Variants in SHISAL2A observed in about 807,000 individuals in gnomAD.
The protein encoded by SHISAL2A is shisa like 2A.
A neutral mutation model predicts 11.5 loss-of-function variants in SHISAL2A; 18 were observed. That is an observed-to-expected ratio of 1.57 (90% CI 1.08 to 2.33). SHISAL2A has a LOEUF of 2.33. SHISAL2A is among the 30% of genes most tolerant of loss of function. The pLI is 0.00. For missense variants in SHISAL2A, 261 were observed against 250.9 expected (o/e 1.04, Z -0.27); for synonymous variants, 94 against 99.6 (o/e 0.94, Z 0.34).
At position 52,643,003 on chromosome 1, in the gene SHISAL2A, G is replaced by T; in HGVS notation, c.322+1G>T. ...CTGGGCTTGAGCTTACAGACAGCAG[G>T]TAAGGAAGTTGCCAGGTGATGTCCT... On this transcript the variant is annotated splice_donor_variant, in intron 2 of 2. Transcript: ENST00000517870. LOFTEE classifies it high-confidence loss of function. 1.9e-6 allele frequency: 3 copies of T among 1,614,010 alleles called. No homozygotes were observed. The highest frequency in any genetic ancestry group is 2.5e-6 in the Non-Finnish European group (3 of 1,179,956).
At chr1:52,669,610 G>A (rs1692072419) in exon 6 of SHISAL2A, 1 of 148,518 alleles carries the variant, frequency 6.7e-6, no homozygotes, top group Non-Finnish European at 1.5e-5. Flanking sequence ...AGGTTGCAGT[G>A]AGCTGTGATC....
chr1:52,649,440 G>A (rs1395302664), intron 2 of SHISAL2A, among the ~76,000 whole-genome samples: 1 of 152,176 alleles, frequency 6.6e-6, no homozygotes, highest in African/African-American at 2.4e-5. Flanking sequence ...TGAGTATGGA[G>A]GCAAGGGTGG....
At chr1:52,665,935 C>G (rs1257403914) in intron 4 of SHISAL2A, among the ~76,000 whole-genome samples, 6 of 152,166 alleles carry the variant, frequency 3.9e-5, no homozygotes, top group Non-Finnish European at 8.8e-5. Flanking sequence ...TGTGTGAGCT[C>G]ACATGTGTGA....
At chr1:52,657,776 G>A (rs1327789170), downstream of SHISAL2A, among the ~76,000 whole-genome samples, 1 of 152,090 alleles carries the variant, frequency 6.6e-6, no homozygotes, top group Non-Finnish European at 1.5e-5. Context: ...AATCAGTTGA[G>A]CCCTGGAGGT....
intron 1 of SHISAL2A, among the ~76,000 whole-genome samples, chr1:52,635,784 G>C (rs1691224526): frequency 6.6e-6 from 1 of 152,130 alleles, no homozygotes; most frequent in Non-Finnish European, 1.5e-5. Context: ...TTTAGGAAGG[G>C]GCTGTTATCA....
chr1:52,641,639 T>A (rs1219110525), intron 1 of SHISAL2A, among the ~76,000 whole-genome samples: 1 of 152,054 alleles, frequency 6.6e-6, no homozygotes, highest in African/African-American at 2.4e-5. Flanking sequence ...GGAGGTTGGG[T>A]CAGAAGTTAC....
At chr1:52,641,005 C>G (rs1691352570) in intron 1 of SHISAL2A, among the ~76,000 whole-genome samples, 1 of 152,242 alleles carries the variant, frequency 6.6e-6, no homozygotes, top group Admixed American at 6.5e-5. Flanking sequence ...CATAAAATCC[C>G]GAAGACAGGG....
rs578260770 is a variant in SHISAL2A, at chr1:52,666,411, C to T, written n.696-988C>T. Among the ~76,000 whole-genome samples, 7 of 152,104 alleles carry T rather than the reference C, an allele frequency of 4.6e-5. No homozygotes were observed. In the South Asian group the frequency reaches 6.2e-4, roughly 14 times the overall value. On this transcript the variant is annotated intron_variant and non_coding_transcript_variant, in intron 4 of 5. Transcript: ENST00000401050. The stretch of plus-strand genomic sequence containing the variant: ...AGGTTGCAGTGAGCCAAGATTGCGC[C>T]GCTGCACTCCAGCCTGGGCAACAGA...
At chr1:52,637,920 A>G (rs1245730852) in intron 1 of SHISAL2A, among the ~76,000 whole-genome samples, 1 of 152,098 alleles carries the variant, frequency 6.6e-6, no homozygotes, top group African/African-American at 2.4e-5. Flanking sequence ...TTTCCTACCC[A>G]GGGTAGGAAT....
At chr1:52,652,045 C>T (rs1341292369) in intron 2 of SHISAL2A, among the ~76,000 whole-genome samples, 1 of 152,210 alleles carries the variant, frequency 6.6e-6, no homozygotes, top group Non-Finnish European at 1.5e-5. Flanking sequence ...CCCTGGCTGG[C>T]CAGTTGCTCA....
At chr1:52,663,920 AAAAAGC>A (rs67882125) in intron 4 of SHISAL2A, among the ~76,000 whole-genome samples, 40,196 of 151,844 alleles carry the variant, frequency 0.26, 6,273 homozygotes, top group Non-Finnish European at 0.36. Context: ...AAAACCTGCC[AAAAAGC>A]TATCGCAGAA....
At chr1:52,666,577 C>T (rs983249177) in intron 4 of SHISAL2A, among the ~76,000 whole-genome samples, 3 of 147,946 alleles carry the variant, frequency 2.0e-5, no homozygotes, top group South Asian at 2.1e-4. Flanking sequence ...TTTCTGTGCA[C>T]ACGCGCGTGT....
At chr1:52,657,542 G>A (rs549415306), downstream of SHISAL2A, among the ~76,000 whole-genome samples, 1 of 152,272 alleles carries the variant, frequency 6.6e-6, no homozygotes, top group South Asian at 2.1e-4. Context: ...GGTAGATGAA[G>A]GAGTGAGTGC....
chr1:52,640,536 G>A (rs996385629), intron 1 of SHISAL2A, among the ~76,000 whole-genome samples: 2 of 152,012 alleles, frequency 1.3e-5, no homozygotes, highest in South Asian at 2.1e-4. Flanking sequence ...GGTCAAGGGC[G>A]GGGGAATCAC....
chr1:52,638,655 G>T (rs1014650365), intron 1 of SHISAL2A, among the ~76,000 whole-genome samples: 1 of 152,180 alleles, frequency 6.6e-6, no homozygotes, highest in Non-Finnish European at 1.5e-5. Context: ...CCAACAATGG[G>T]TGTATTACCA....
intron 2 of SHISAL2A, among the ~76,000 whole-genome samples, chr1:52,655,452 CAAAAAAAA>C (rs11346128): frequency 2.5e-5 from 1 of 40,130 alleles, no homozygotes; most frequent in African/African-American, 8.9e-5. Flanking sequence ...CCTGTATCTA[CAAAAAAAA>C]AAAAAAAAAA....
downstream of SHISAL2A, among the ~76,000 whole-genome samples, chr1:52,661,134 G>A (rs1691899595): frequency 6.6e-6 from 1 of 152,222 alleles, no homozygotes; most frequent in Non-Finnish European, 1.5e-5. Flanking sequence ...GAAGCTGGAA[G>A]GGTAGACGAG....
intron 1 of SHISAL2A, chr1:52,639,936 G>A (rs1403182964): frequency 6.6e-6 from 1 of 151,976 alleles, no homozygotes; most frequent in African/African-American, 2.4e-5. Context: ...CTACAGGCAT[G>A]TGGTCACCAT....
At chr1:52,653,259 G>A (rs979345380) in intron 2 of SHISAL2A, among the ~76,000 whole-genome samples, 1 of 132,384 alleles carries the variant, frequency 7.6e-6, no homozygotes, top group African/African-American at 2.9e-5. Context: ...GATCATTCTG[G>A]GCAACATGAC....
Sources: allele counts gnomAD v4.1 joint callset (sites outside exome capture counted in the v4.1 genomes callset), GRCh38; gene constraint gnomAD v4.1.1; transcripts MANE v1.5; gene names NCBI Gene and HGNC (gene_info 2026-07-23, HGNC 2026-07-21).